The following HS3ST1 variants were observed in gnomAD, a reference collection of about 807,000 sequenced individuals.
HS3ST1 encodes the protein heparan sulfate glucosamine 3-O-sulfotransferase 1.
A neutral mutation model predicts 20.7 loss-of-function variants in HS3ST1; 8 were observed. That is an observed-to-expected ratio of 0.39 (90% CI 0.23 to 0.70). The LOEUF (loss-of-function observed/expected upper bound fraction) is 0.70. Ranked by LOEUF, HS3ST1 falls within the 30% of genes least tolerant of loss-of-function variation. The pLI, the probability that HS3ST1 is intolerant of heterozygous loss-of-function variation, is 0.46. For synonymous variants in HS3ST1, 205 were observed against 190.4 expected, an observed-to-expected ratio of 1.08 and a Z score of -0.63; for missense variants, 436 against 423.4, an observed-to-expected ratio of 1.03 and a Z score of -0.26.
rs575016269 is a variant in HS3ST1, at chr4:11,415,571, AAAG to A, written c.-109+13125_-109+13127del. Among the ~76,000 whole-genome samples, 326 of 152,354 alleles carry A rather than the reference AAAG, an allele frequency of 2.1e-3. 1 individual carries two copies. The highest frequency in any genetic ancestry group is 7.8e-3 in the African/African-American group (324 of 41,576). ...GTCTGCTTAAATAGTTGTCATAAGT[AAAG>A]AAAGAAACAACATTCTGAAAATTGA... is the stretch of plus-strand genomic sequence containing the variant. On this transcript the variant is annotated intron_variant, in intron 1 of 1. Coordinates refer to ENST00000002596, the MANE Select transcript of HS3ST1 (RefSeq NM_005114.4).
rs201520533 is a variant in HS3ST1, at chr4:11,418,289, G to C, written c.-109+10410C>G. Among the ~76,000 whole-genome samples the C allele has an allele frequency of 1.2e-4, 19 of 152,256 alleles. No homozygotes were observed. In the East Asian group the frequency reaches 3.7e-3, roughly 29 times the overall value. On this transcript the variant is annotated intron_variant, in intron 1 of 1. Transcript: ENST00000002596. ...TAATCTGCTTTTCAATCAAAATCAG[G>C]CTTACCAGCAAGAAAAATAATCATT...
intron 1 of HS3ST1, among the ~76,000 whole-genome samples, chr4:11,413,148 C>A (rs181117100): frequency 2.0e-5 from 3 of 152,110 alleles, no homozygotes; most frequent in African/African-American, 4.8e-5. Flanking sequence ...GCCTATGGTG[C>A]TTGGTCATAG....
At chr4:11,406,161 G>T (rs550655792) in intron 1 of HS3ST1, among the ~76,000 whole-genome samples, 3 of 152,218 alleles carry the variant, frequency 2.0e-5, no homozygotes, top group Non-Finnish European at 2.9e-5. Flanking sequence ...CACTCACTGG[G>T]TGCCAGGTGG....
chr4:11,399,964 C>T lies in HS3ST1; in HGVS notation c.42G>A (p.Gln14=), dbSNP rs781598101. Residue 14 remains glutamine, a synonymous_variant, in exon 2 of 2, where the codon CAG becomes CAA. Coordinates refer to ENST00000002596, the MANE Select transcript of HS3ST1 (RefSeq NM_005114.4). This position sits in a 1 kb window ranked among gnomAD's most constrained non-coding sequence, Gnocchi z 5.1. ...LLLGAVLLVA[Q]PQLVPSRPAE... ...CGGGGCGGGAAGGCACTAGCTGGGGCTGGGCCACCAGCAGCACCGCGCCCA... is the reference window on the plus strand; with the variant it reads ...CGGGGCGGGAAGGCACTAGCTGGGGTTGGGCCACCAGCAGCACCGCGCCCA... The T allele has an allele frequency of 6.4e-7, 1 of 1,554,722 alleles. No homozygotes were observed. Among genetic ancestry groups the T allele is most frequent in the Non-Finnish European group, 8.7e-7 (1 of 1,154,706 alleles).
upstream of HS3ST1, among the ~76,000 whole-genome samples, chr4:11,433,410 T>A (rs1719241346): frequency 6.6e-6 from 1 of 152,226 alleles, no homozygotes. Context: ...ATATTGCTTT[T>A]ATTTGTTATC....
intron 1 of HS3ST1, among the ~76,000 whole-genome samples, chr4:11,410,636 T>C (rs946114021): frequency 4.6e-5 from 7 of 152,234 alleles, no homozygotes; most frequent in Admixed American, 3.9e-4. Context: ...CTTATGCCTG[T>C]AATCCCAGCA....
At chr4:11,425,986 G>A (rs1193287152) in intron 1 of HS3ST1, among the ~76,000 whole-genome samples, 2 of 152,142 alleles carry the variant, frequency 1.3e-5, no homozygotes, top group East Asian at 3.9e-4. Context: ...TAGCTGGAAA[G>A]TTACTGCATT....
intron 1 of HS3ST1, among the ~76,000 whole-genome samples, chr4:11,411,521 GT>G (rs750837792): frequency 8.5e-5 from 13 of 152,148 alleles, no homozygotes; most frequent in Non-Finnish European, 1.3e-4. Flanking sequence ...AGGAGGTGCT[GT>G]TTAATCATCT....
Position 11,393,544 on chromosome 4 carries a change from C to T in HS3ST1, c.*5538G>A, listed in dbSNP as rs1718060893. 1 of 152,156 alleles carries T rather than the reference C, an allele frequency of 6.6e-6. No individual in the cohort carries two copies. Among genetic ancestry groups the T allele is most frequent in the African/African-American group, 2.4e-5 (1 of 41,432 alleles). The allele number at this position is 152,156 out of a possible 1,614,324, so 9.4% of individuals were successfully genotyped here. ...TAGAAGCAAAGTCTGAGGGGGGATT[C>T]CTGTTTTCTTGGGAAACACATTTAC... On this transcript the variant is annotated 3_prime_UTR_variant, in exon 2 of 2. Coordinates refer to ENST00000002596, the MANE Select transcript of HS3ST1 (RefSeq NM_005114.4).
rs1174967240 is a variant in HS3ST1, at chr4:11,398,267, G to A, written c.*815C>T. On this transcript the variant is annotated 3_prime_UTR_variant, in exon 2 of 2. Coordinates refer to ENST00000002596, the MANE Select transcript of HS3ST1 (RefSeq NM_005114.4). ...CCTTTCACAGAACCGACAGGATGAA[G>A]ACACGCATAGATTTCGCAGTTTCTC... 1 of 152,190 alleles carries A rather than the reference G, an allele frequency of 6.6e-6. No individual in the cohort carries two copies. Among genetic ancestry groups the A allele is most frequent in the Non-Finnish European group, 1.5e-5 (1 of 68,048 alleles). The allele number at this position is 152,190 out of a possible 1,614,324, so 9.4% of individuals were successfully genotyped here.
At chr4:11,433,074 C>T (rs576603709), upstream of HS3ST1, among the ~76,000 whole-genome samples, 13 of 152,304 alleles carry the variant, frequency 8.5e-5, no homozygotes, top group South Asian at 2.7e-3. Context: ...ATCCTGCTCC[C>T]TGCCTTGCCA....
In HS3ST1 at chr4:11,398,603, T is replaced by C. The variant is rs2108878616; in HGVS notation, c.*479A>G. 6.6e-6 allele frequency: 1 copy of C among 152,296 alleles called. No homozygotes were observed. The highest frequency in any genetic ancestry group is 1.9e-4 in the East Asian group (1 of 5,180). 9.4% of individuals were successfully genotyped at this position (152,296 alleles called of 1,614,324 possible). A position where few individuals can be genotyped will look rare whatever the true frequency, so the allele number is the denominator to read the frequency against. On this transcript the variant is annotated 3_prime_UTR_variant, in exon 2 of 2. Coordinates refer to ENST00000002596, the MANE Select transcript of HS3ST1 (RefSeq NM_005114.4). ...CTTACAATCCAAGTAAAAATAAATC[T>C]GATGATCACAATGAGACATTAAAAA...
chr4:11,409,601 A>T (rs529751805), intron 1 of HS3ST1, among the ~76,000 whole-genome samples: 4 of 152,344 alleles, frequency 2.6e-5, no homozygotes, highest in Admixed American at 2.6e-4. Flanking sequence ...TTCTGCTGAC[A>T]CCTTGATCTT....
chr4:11,409,778 G>A (rs937734577), intron 1 of HS3ST1, among the ~76,000 whole-genome samples: 2 of 152,172 alleles, frequency 1.3e-5, no homozygotes, highest in Non-Finnish European at 2.9e-5. Flanking sequence ...TATTTCCAGG[G>A]GCAGCACTCA....
intron 1 of HS3ST1, among the ~76,000 whole-genome samples, chr4:11,416,481 G>A (rs1718785318): frequency 1.3e-5 from 2 of 152,192 alleles, no homozygotes; most frequent in South Asian, 4.1e-4. Context: ...AGAGCTCCAG[G>A]AGGACTGAAG....
At chr4:11,401,837 C>T (rs921715552) in intron 1 of HS3ST1, among the ~76,000 whole-genome samples, 8 of 152,242 alleles carry the variant, frequency 5.3e-5, no homozygotes, top group African/African-American at 1.9e-4. Context: ...ACAGGAACTG[C>T]TGGCCTAGAT....
At position 11,423,211 on chromosome 4, in the gene HS3ST1, T is replaced by A. The variant is rs569134306; in HGVS notation, c.-109+5488A>T. 6.0e-4 allele frequency among the ~76,000 whole-genome samples: 92 copies of A among 152,190 alleles called. No individual in the cohort carries two copies. In the South Asian group the frequency reaches 7.9e-3, roughly 13 times the overall value. Reference sequence around the variant, plus strand: ...AGTAGTCCTTGACTGGTTTTGTTCATCAATGTACTCTAACACGTAATGCAA... The same window carrying A: ...AGTAGTCCTTGACTGGTTTTGTTCAACAATGTACTCTAACACGTAATGCAA... On this transcript the variant is annotated intron_variant, in intron 1 of 1. Transcript: ENST00000002596.
Position 11,399,149 on chromosome 4 carries a change from T to G in HS3ST1, c.857A>C (p.His286Pro). The change falls in exon 2 of 2, where the codon CAC becomes CCC. Residue 286 changes from histidine (H) to proline (P), a missense_variant. Physicochemically the swap from His to Pro is moderately conservative, Grantham distance 77. Coordinates refer to ENST00000002596, the MANE Select transcript of HS3ST1 (RefSeq NM_005114.4). This position sits in a 1 kb window ranked among gnomAD's most constrained non-coding sequence, Gnocchi z 5.1. ...CTTATTTGGCTCATGAAAATATTCG[T>G]GCAGTTTATTGAGTAGTTTGGGATC... is the stretch of plus-strand genomic sequence containing the variant. ...QVDPKLLNKL[H>P]EYFHEPNKKF... is the part of the protein sequence containing the mutation. 1 of 1,614,164 alleles carries G rather than the reference T, an allele frequency of 6.2e-7. No homozygotes were observed. Among genetic ancestry groups the G allele is most frequent in the Non-Finnish European group, 8.5e-7 (1 of 1,180,010 alleles).
At chr4:11,420,602 G>T (rs1718908575) in intron 1 of HS3ST1, among the ~76,000 whole-genome samples, 2 of 152,190 alleles carry the variant, frequency 1.3e-5, no homozygotes, top group South Asian at 4.1e-4. Flanking sequence ...CACTACGCTG[G>T]TGGCCTCACA....
Sources: allele counts gnomAD v4.1 joint callset (sites outside exome capture counted in the v4.1 genomes callset), GRCh38; gene constraint gnomAD v4.1.1; non-coding constraint Gnocchi (gnomAD v3.1); transcripts MANE v1.5; gene names NCBI Gene and HGNC (gene_info 2026-07-23, HGNC 2026-07-21).